DNAAF9: variants seen among roughly 807,000 people sequenced by gnomAD.
DNAAF9 encodes shulin.
Under a neutral mutation model 167.0 loss-of-function variants are expected in DNAAF9, and 90 were observed. That is an observed-to-expected ratio of 0.54 (90% CI 0.45 to 0.64). The LOEUF (loss-of-function observed/expected upper bound fraction) is 0.64. Among genes scored for constraint, DNAAF9 ranks in the 30% least tolerant of loss-of-function variants. The pLI, the probability that DNAAF9 is intolerant of heterozygous loss-of-function variation, is 0.00. For missense variants in DNAAF9, 1,315 were observed against 1,442.2 expected (o/e 0.91, Z 1.43); for synonymous variants, 491 against 508.8 (o/e 0.96, Z 0.47).
chr20:3,336,661 T>A (rs6037555), intron 10 of DNAAF9, among the ~76,000 whole-genome samples: 1 of 152,014 alleles, frequency 6.6e-6, no homozygotes, highest in African/African-American at 2.4e-5. Flanking sequence ...GTGATTCTCC[T>A]GCCTCAGCCT....
Position 3,296,952 on chromosome 20 carries a change from A to T in DNAAF9, c.1930-3T>A. The T allele has an allele frequency of 6.3e-7, 1 of 1,577,074 alleles. No individual in the cohort carries two copies. The highest frequency in any genetic ancestry group is 8.7e-7 in the Non-Finnish European group (1 of 1,146,932). On this transcript the variant is annotated splice_region_variant and splice_polypyrimidine_tract_variant and intron_variant, in intron 22 of 36. Transcript: ENST00000252032. ...TGCTGTTTCCAGAGGGAGAAGACCT[A>T]AACAAAACAGAATTTGAGCAAAGAA...
intron 9 of DNAAF9, among the ~76,000 whole-genome samples, chr20:3,341,449 T>C (rs2070083845): frequency 6.6e-6 from 1 of 152,188 alleles, no homozygotes; most frequent in African/African-American, 2.4e-5. Context: ...AGGGTTTACC[T>C]GCAGCTTGCT....
intron 1 of DNAAF9, among the ~76,000 whole-genome samples, chr20:3,385,529 G>A (rs915646426): frequency 2.6e-5 from 4 of 151,918 alleles, no homozygotes; most frequent in African/African-American, 9.7e-5. Context: ...GGGCTCAAGC[G>A]ATCCTCCTAC....
chr20:3,256,293 T>C (rs2068279362), intron 33 of DNAAF9, 82 bp from the exon 34 acceptor site: 21 of 982,436 alleles, frequency 2.1e-5, no homozygotes, highest in Middle Eastern at 2.3e-4. Flanking sequence ...ATGCAGATGG[T>C]TGGGATAGAT....
intron 30 of DNAAF9, 112 bp from the exon 31 acceptor site, chr20:3,264,636 C>A: frequency 1.5e-6 from 1 of 672,152 alleles, no homozygotes. Flanking sequence ...GTGGTGCAAT[C>A]TTGGCTCATT....
chr20:3,328,188 T>TTTTTTTGTTGTTTGTTTTG (rs1555792498), intron 12 of DNAAF9, among the ~76,000 whole-genome samples: 1 of 138,776 alleles, frequency 7.2e-6, no homozygotes, highest in African/African-American at 2.9e-5. Flanking sequence ...GCTCTGTTTT[T>TTTTTTTGTTGTTTGTTTTG]TTTTTTTTTT....
At position 3,298,106 on chromosome 20, in the gene DNAAF9, G is replaced by T. The variant is rs1247263236; in HGVS notation, c.1852C>A (p.His618Asn). ...KSSLLPHLPV[H>N]FHGSSNFLMI... is the part of the protein sequence containing the mutation. Reference sequence around the variant, plus strand: ...AGAAAATTGCTTGATCCATGGAAATGAACTGGGAGGTGAGGAAGCAATGAG... The same window carrying T: ...AGAAAATTGCTTGATCCATGGAAATTAACTGGGAGGTGAGGAAGCAATGAG... Residue 618 changes from histidine (H) to asparagine (N), a missense_variant, in exon 22 of 37, where the codon CAT becomes AAT. His to Asn is a moderately conservative substitution (Grantham distance 68, BLOSUM62 1). Transcript: ENST00000252032. The T allele has an allele frequency of 1.2e-6, 2 of 1,612,124 alleles. No homozygotes were observed. The highest frequency in any genetic ancestry group is 1.7e-6 in the Non-Finnish European group (2 of 1,178,286).
intron 1 of DNAAF9, among the ~76,000 whole-genome samples, chr20:3,395,751 CAA>C (rs1352098214): frequency 6.6e-6 from 1 of 152,094 alleles, no homozygotes; most frequent in Non-Finnish European, 1.5e-5. Context: ...ACCCTTGTGT[CAA>C]GTTTTATATT....
chr20:3,384,653 C>T (rs2083708761), intron 1 of DNAAF9, among the ~76,000 whole-genome samples: 1 of 151,578 alleles, frequency 6.6e-6, no homozygotes, highest in African/African-American at 2.4e-5. Context: ...GGATTACAGG[C>T]ATGCACTACC....
chr20:3,326,049 CT>C, intron 13 of DNAAF9, 147 bp downstream of exon 13: 1 of 616,678 alleles, frequency 1.6e-6, no homozygotes, highest in Non-Finnish European at 2.9e-6. Context: ...AAGCTCAGTG[CT>C]CTCAGGGCTT....
chr20:3,401,257 G>A (rs2083979216), intron 1 of DNAAF9, among the ~76,000 whole-genome samples: 1 of 152,004 alleles, frequency 6.6e-6, no homozygotes, highest in South Asian at 2.1e-4. Flanking sequence ...CCAGGCTGGA[G>A]TGCAGTGGCG....
At chr20:3,280,168 G>A (rs2068741674) in intron 28 of DNAAF9, among the ~76,000 whole-genome samples, 1 of 152,126 alleles carries the variant, frequency 6.6e-6, no homozygotes, top group Admixed American at 6.6e-5. Context: ...TGGAACAAGG[G>A]AAGATACAGC....
chr20:3,326,376 G>C (rs1270644339), intron 12 of DNAAF9, 92 bp from the exon 13 acceptor site: 1 of 869,960 alleles, frequency 1.1e-6, no homozygotes, highest in African/African-American at 1.7e-5. Flanking sequence ...CTAAGAAACT[G>C]ATTTTTAAAC....
chr20:3,336,912 G>C (rs2069966350), intron 10 of DNAAF9, among the ~76,000 whole-genome samples: 2 of 135,942 alleles, frequency 1.5e-5, no homozygotes, highest in Admixed American at 1.7e-4. Context: ...ATGGAGTCTC[G>C]CTCTGTCGCC....
At chr20:3,392,266 G>A (rs1353658948) in intron 1 of DNAAF9, among the ~76,000 whole-genome samples, 1 of 152,208 alleles carries the variant, frequency 6.6e-6, no homozygotes. Flanking sequence ...GGTCACCAAT[G>A]ACTTTGTAAG....
chr20:3,364,661 A>G (rs908039420), intron 6 of DNAAF9, among the ~76,000 whole-genome samples: 1 of 152,250 alleles, frequency 6.6e-6, no homozygotes, highest in African/African-American at 2.4e-5. Flanking sequence ...AACACACCAT[A>G]GTCTATTAAG....
chr20:3,328,479 A>G (rs972299746), intron 12 of DNAAF9, among the ~76,000 whole-genome samples: 2 of 152,004 alleles, frequency 1.3e-5, no homozygotes, highest in Non-Finnish European at 2.9e-5. Context: ...AAGCCACTGC[A>G]CCCGGCCTCT....
intron 1 of DNAAF9, among the ~76,000 whole-genome samples, chr20:3,390,711 G>T (rs1035083601): frequency 6.6e-6 from 1 of 152,094 alleles, no homozygotes; most frequent in African/African-American, 2.4e-5. Flanking sequence ...TAAAAATACG[G>T]GGGTGAGAGG....
Position 3,249,756 on chromosome 20 carries a change from C to T in DNAAF9, c.*2816G>A, listed in dbSNP as rs1278071462. ...AATTGAACTTTTCCCTTTTGAGAAG[C>T]CCAAGGAGCAACCCAGAGCTTCTTA... On this transcript the variant is annotated 3_prime_UTR_variant, in exon 37 of 37. Coordinates refer to ENST00000252032, the MANE Select transcript of DNAAF9 (RefSeq NM_001009984.3). 6.6e-6 allele frequency: 1 copy of T among 152,102 alleles called. No individual in the cohort carries two copies. The highest frequency in any genetic ancestry group is 2.4e-5 in the African/African-American group (1 of 41,406). The allele number at this position is 152,102 out of a possible 1,614,324, so 9.4% of individuals were successfully genotyped here.
Sources: gnomAD v4.1 joint callset for allele counts (sites outside exome capture counted in the v4.1 genomes callset) on GRCh38, gnomAD v4.1.1 for gene constraint, MANE v1.5 for transcripts, NCBI Gene and HGNC (gene_info 2026-07-23, HGNC 2026-07-21) for gene names.